Variants in EHBP1 observed in about 807,000 individuals in gnomAD.
EHBP1 encodes the protein EH domain-binding protein 1.
EHBP1 carries 55 observed loss-of-function variants against 144.0 expected under a neutral mutation model. That is an observed-to-expected ratio of 0.38 (90% CI 0.31 to 0.48). The LOEUF is 0.48. EHBP1 is among the 20% of genes least tolerant of loss of function. EHBP1 has a pLI of 0.98. For synonymous variants in EHBP1, 469 were observed against 472.7 expected (o/e 0.99, Z 0.10); for missense variants, 1,200 against 1,364.2 (o/e 0.88, Z 1.90).
At chr2:62,842,339 C>T (rs1229176873) in intron 7 of EHBP1, among the ~76,000 whole-genome samples, 1 of 152,144 alleles carries the variant, frequency 6.6e-6, no homozygotes, top group Non-Finnish European at 1.5e-5. Flanking sequence ...CGCCCGCTTT[C>T]CTCCCAAAGT....
At chr2:62,768,538 C>CA (rs1266060396) in intron 4 of EHBP1, among the ~76,000 whole-genome samples, 3 of 151,918 alleles carry the variant, frequency 2.0e-5, no homozygotes, top group East Asian at 1.9e-4. Context: ...GCCTACCAAC[C>CA]AAAAAAAGCC....
intron 10 of EHBP1, among the ~76,000 whole-genome samples, chr2:62,930,688 A>G (rs1325773632): frequency 1.3e-5 from 2 of 152,190 alleles, no homozygotes; most frequent in Non-Finnish European, 2.9e-5. Flanking sequence ...TAGACCAACA[A>G]TGGAATAGAG....
intron 19 of EHBP1, among the ~76,000 whole-genome samples, chr2:63,006,572 T>G (rs2060044866): frequency 6.6e-6 from 1 of 151,920 alleles, no homozygotes; most frequent in Non-Finnish European, 1.5e-5. Context: ...ACGTGATATA[T>G]TTTTTATTCC....
chr2:62,868,143 GGCGGGCGGATCACTT>G (rs2050182125), intron 9 of EHBP1, among the ~76,000 whole-genome samples: 2 of 152,156 alleles, frequency 1.3e-5, no homozygotes, highest in South Asian at 4.1e-4. Flanking sequence ...GGGAGGCCGA[GGCGGGCGGATCACTT>G]TAGGTCAGGA....
intron 21 of EHBP1, chr2:63,044,031 ACTT>A (rs999338830): frequency 9.1e-5 from 12 of 131,706 alleles, no homozygotes; most frequent in African/African-American, 3.4e-4. Context: ...CTCATCATCT[ACTT>A]CTTCTTTTCA....
chr2:62,993,896 G>A lies in EHBP1; in HGVS notation c.2898G>A (p.Gln966=). 6.3e-7 allele frequency: 1 copy of A among 1,594,044 alleles called. No individual in the cohort carries two copies. The highest frequency in any genetic ancestry group is 8.6e-7 in the Non-Finnish European group (1 of 1,169,128). ...AGATGAAAAGGCAGAGATCAATACA[G>A]GAAGATACAAAGAAAGGAAATGAGG... The part of the protein sequence containing the change: ...RPEMKRQRSI[Q]EDTKKGNEEK... Residue 966 remains glutamine (Q), a synonymous_variant, in exon 18 of 23, where the codon CAG becomes CAA. Coordinates refer to ENST00000431489, the MANE Select transcript of EHBP1 (RefSeq NM_001142616.3).
At chr2:62,924,850 A>G (rs553294366) in intron 10 of EHBP1, among the ~76,000 whole-genome samples, 3 of 152,352 alleles carry the variant, frequency 2.0e-5, no homozygotes, top group Admixed American at 6.5e-5. Context: ...AATTCTTTCT[A>G]TGAGGCCAGC....
intron 5 of EHBP1, among the ~76,000 whole-genome samples, chr2:62,817,896 A>C (rs1408433700): frequency 1.3e-5 from 2 of 152,048 alleles, no homozygotes; most frequent in Non-Finnish European, 2.9e-5. Flanking sequence ...CTTTAGTAAA[A>C]TATTCCATGA....
chr2:62,871,585 G>A (rs539338261), intron 9 of EHBP1, among the ~76,000 whole-genome samples: 1 of 152,298 alleles, frequency 6.6e-6, no homozygotes, highest in Non-Finnish European at 1.5e-5. Flanking sequence ...TTCAATGTCA[G>A]TAGCAGAAAT....
At chr2:62,931,313 CATA>C (rs2055969272) in intron 10 of EHBP1, among the ~76,000 whole-genome samples, 1 of 152,116 alleles carries the variant, frequency 6.6e-6, no homozygotes, top group Non-Finnish European at 1.5e-5. Context: ...AAATCAAAAC[CATA>C]ATGAGATACC....
chr2:62,759,886 GTAACACTATTT>G, intron 3 of EHBP1, among the ~76,000 whole-genome samples: 1 of 152,254 alleles, frequency 6.6e-6, no homozygotes, highest in East Asian at 1.9e-4. Flanking sequence ...TTAGAAAACA[GTAACACTATTT>G]TTTTTTGGTC....
intron 5 of EHBP1, among the ~76,000 whole-genome samples, chr2:62,815,743 A>G (rs1436276823): frequency 1.3e-5 from 2 of 152,220 alleles, no homozygotes; most frequent in Non-Finnish European, 2.9e-5. Flanking sequence ...ATTGAAAATT[A>G]GAGACCTTGA....
At chr2:62,706,119 T>C (rs1558521836) in intron 1 of EHBP1, 67 bp downstream of exon 1, 1 of 153,460 alleles carries the variant, frequency 6.5e-6, no homozygotes, top group Non-Finnish European at 1.5e-5. Context: ...TGGGGTCTTC[T>C]GGTATCGCCT....
chr2:62,691,121 C>G (rs1029833043), intron 1 of EHBP1, among the ~76,000 whole-genome samples: 2 of 152,124 alleles, frequency 1.3e-5, no homozygotes, highest in African/African-American at 2.4e-5. Flanking sequence ...TCTTTTTATC[C>G]TTCATAAGCT....
intron 4 of EHBP1, among the ~76,000 whole-genome samples, chr2:62,769,375 G>A (rs555772279): frequency 7.2e-5 from 11 of 152,016 alleles, no homozygotes; most frequent in Non-Finnish European, 1.2e-4. Flanking sequence ...AAGCCAATCC[G>A]AGAGCCAAAT....
At chr2:62,857,142 C>T (rs185425495) in intron 7 of EHBP1, among the ~76,000 whole-genome samples, 3 of 152,242 alleles carry the variant, frequency 2.0e-5, no homozygotes, top group Admixed American at 1.3e-4. Context: ...TAATTTTAGC[C>T]CAGCAAGTCT....
chr2:62,679,857 A>G (rs892943816), intron 1 of EHBP1, among the ~76,000 whole-genome samples: 4 of 152,316 alleles, frequency 2.6e-5, no homozygotes, highest in African/African-American at 9.6e-5. Context: ...GGCCTGGAGG[A>G]AAACCACAGC....
chr2:62,912,844 C>T (rs2054332063), intron 10 of EHBP1, among the ~76,000 whole-genome samples: 1 of 152,108 alleles, frequency 6.6e-6, no homozygotes, highest in Non-Finnish European at 1.5e-5. Flanking sequence ...CTTCCTATTT[C>T]TGCCTCCAAC....
intron 17 of EHBP1, 50 bp from the exon 18 acceptor site, chr2:62,993,821 A>G (rs2059518487): frequency 7.1e-7 from 1 of 1,415,268 alleles, no homozygotes; most frequent in South Asian, 1.5e-5. Context: ...CAATACACAA[A>G]TATCAAGCTT....
Sources: gnomAD v4.1 joint callset for allele counts (sites outside exome capture counted in the v4.1 genomes callset) on GRCh38, gnomAD v4.1.1 for gene constraint, MANE v1.5 for transcripts, NCBI Gene and HGNC (gene_info 2026-07-23, HGNC 2026-07-21) for gene names.